The following MYLK3 variants were observed in gnomAD, a reference collection of about 807,000 sequenced individuals.
MYLK3 encodes MLC kinase.
In MYLK3, 55 loss-of-function variants were observed where a neutral mutation model predicts 76.3. That is an observed-to-expected ratio of 0.72 (90% CI 0.58 to 0.90). MYLK3 has a LOEUF of 0.90. Ranked by LOEUF, MYLK3 falls within the 40% of genes least tolerant of loss-of-function variation. The pLI is 0.00. For missense variants in MYLK3, 973 were observed against 1,053.6 expected (o/e 0.92, Z 1.06); for synonymous variants, 416 against 425.4 (o/e 0.98, Z 0.27).
upstream of MYLK3, among the ~76,000 whole-genome samples, chr16:46,752,449 C>T (rs1013951558): frequency 6.6e-6 from 1 of 152,104 alleles, no homozygotes; most frequent in African/African-American, 2.4e-5. Flanking sequence ...GCCTAGTACC[C>T]ACTAGTTAAT....
intron 9 of MYLK3, among the ~76,000 whole-genome samples, chr16:46,717,477 G>T (rs1368026619): frequency 1.2e-4 from 19 of 152,128 alleles, no homozygotes; most frequent in African/African-American, 4.6e-4. Context: ...GTTCAGACGT[G>T]TGAGCCTCGC....
At chr16:46,716,914 C>T (rs922911391) in intron 9 of MYLK3, among the ~76,000 whole-genome samples, 8 of 152,170 alleles carry the variant, frequency 5.3e-5, no homozygotes, top group Admixed American at 4.6e-4. Context: ...AGAGAGGGGG[C>T]ACCCAGGGAA....
At chr16:46,743,529 C>A (rs1034507578) in intron 1 of MYLK3, among the ~76,000 whole-genome samples, 1 of 152,164 alleles carries the variant, frequency 6.6e-6, no homozygotes, top group Non-Finnish European at 1.5e-5. Flanking sequence ...CAGCCGACAG[C>A]CTGATGGGGA....
intron 12 of MYLK3, 25 bp downstream of exon 12, chr16:46,709,514 C>G: frequency 2.5e-6 from 4 of 1,606,702 alleles, no homozygotes; most frequent in Non-Finnish European, 3.4e-6. Context: ...CAAATTCCAC[C>G]TTTACTAAGA....
intron 3 of MYLK3, among the ~76,000 whole-genome samples, chr16:46,736,598 C>T (rs915964241): frequency 2.6e-5 from 4 of 152,188 alleles, no homozygotes; most frequent in African/African-American, 7.2e-5. Flanking sequence ...CCCGGGATGC[C>T]TGCCAGGAAC....
chr16:46,719,934 T>C (rs979826452), intron 9 of MYLK3, among the ~76,000 whole-genome samples: 1 of 152,160 alleles, frequency 6.6e-6, no homozygotes, highest in Non-Finnish European at 1.5e-5. Flanking sequence ...TCCCAGTACT[T>C]TGGGAGTCTG....
intron 2 of MYLK3, 119 bp from the exon 3 acceptor site, chr16:46,738,262 G>T (rs1966882506): frequency 2.2e-6 from 2 of 901,934 alleles, no homozygotes; most frequent in East Asian, 5.4e-5. Context: ...CCAAAGACTG[G>T]AAGCAACCCA....
At chr16:46,740,631 A>C (rs1966916913) in intron 1 of MYLK3, among the ~76,000 whole-genome samples, 1 of 148,442 alleles carries the variant, frequency 6.7e-6, no homozygotes, top group Non-Finnish European at 1.5e-5. Context: ...GGCTCACTGC[A>C]ACCGCTGCCT....
chr16:46,702,776 T>C lies in MYLK3; in HGVS notation c.*4928A>G, dbSNP rs1362104909. 1.3e-5 allele frequency among the ~76,000 whole-genome samples: 2 copies of C among 151,964 alleles called. No homozygotes were observed. Among genetic ancestry groups the C allele is most frequent in the African/African-American group, 2.4e-5 (1 of 41,356 alleles). On this transcript the variant is annotated 3_prime_UTR_variant, in exon 13 of 13. Transcript: ENST00000394809. ...CTCTACTAAAAACACAAAAATTAGC[T>C]GGGCGTGGTGGCGCATGCCTGTAGT...
At position 46,732,402 on chromosome 16, in the gene MYLK3, T is replaced by G. The variant is rs1236605949; in HGVS notation, c.1268A>C (p.Glu423Ala). ...KAEEEQRAGA[E>A]PGTRPSLARS... ...GGCCAAGCTTGGTCTCGTGCCAGGC[T>G]CGGCCCCAGCCCTTTGCTCCTCCTC... Residue 423 changes from glutamate to alanine, a missense_variant, in exon 4 of 13, where the codon GAG becomes GCG. Glu to Ala is a moderately radical substitution (Grantham distance 107). Coordinates refer to ENST00000394809, the MANE Select transcript of MYLK3 (RefSeq NM_182493.3). 1.2e-6 allele frequency: 2 copies of G among 1,613,640 alleles called. No homozygotes were observed. Among genetic ancestry groups the G allele is most frequent in the Non-Finnish European group, 1.7e-6 (2 of 1,180,008 alleles).
At chr16:46,730,308 C>A (rs532830185) in intron 5 of MYLK3, among the ~76,000 whole-genome samples, 34 of 152,330 alleles carry the variant, frequency 2.2e-4, no homozygotes, top group East Asian at 5.8e-4. Context: ...GGCTTTCCGG[C>A]CACCTCCAGG....
chr16:46,758,312 T>TAAA (rs1967230729), intron 1 of MYLK3, among the ~76,000 whole-genome samples: 1 of 52,412 alleles, frequency 1.9e-5, no homozygotes, highest in Non-Finnish European at 3.6e-5. Context: ...ACACTCTCTC[T>TAAA]CTCTCTCTCT....
chr16:46,714,917 G>A (rs996762051), intron 9 of MYLK3, among the ~76,000 whole-genome samples: 10 of 152,186 alleles, frequency 6.6e-5, no homozygotes, highest in African/African-American at 9.7e-5. Flanking sequence ...ATTTGTTTTT[G>A]TTGTTGTTTT....
chr16:46,734,810 G>A lies in MYLK3; in HGVS notation c.1002-2142C>T, dbSNP rs528956180. ...TCCTGGAGATCTGTCTCACAACAAC[G>A]TGAATATACTTAACACTACTGAGTG... On this transcript the variant is annotated intron_variant, in intron 3 of 12. Coordinates refer to ENST00000394809, the MANE Select transcript of MYLK3 (RefSeq NM_182493.3). Among the ~76,000 whole-genome samples, 43 of 152,218 alleles carry A rather than the reference G, an allele frequency of 2.8e-4. No individual in the cohort carries two copies. In the South Asian group the frequency reaches 7.5e-3, roughly 26 times the overall value.
intron 9 of MYLK3, among the ~76,000 whole-genome samples, chr16:46,720,023 C>T (rs1487936413): frequency 6.6e-6 from 1 of 151,930 alleles, no homozygotes; most frequent in African/African-American, 2.4e-5. Context: ...ACTAAAAATA[C>T]AAAAATTAGC....
At chr16:46,752,852 C>A (rs905078143), upstream of MYLK3, among the ~76,000 whole-genome samples, 3 of 152,066 alleles carry the variant, frequency 2.0e-5, no homozygotes, top group African/African-American at 7.2e-5. Flanking sequence ...TGTACTCCAA[C>A]CTGGACAACA....
chr16:46,721,496 A>T (rs1252136280), intron 8 of MYLK3, among the ~76,000 whole-genome samples: 1 of 152,136 alleles, frequency 6.6e-6, no homozygotes, highest in Non-Finnish European at 1.5e-5. Flanking sequence ...CCTCAAGAGA[A>T]GCCGGGAATT....
intron 8 of MYLK3, chr16:46,726,574 A>AAGAGAGG (rs1246239386): frequency 2.0e-5 from 3 of 151,286 alleles, no homozygotes; most frequent in Non-Finnish European, 4.4e-5. Flanking sequence ...CCAAAAAAGA[A>AAGAGAGG]AGAGAGGAGA....
At chr16:46,761,494 T>C (rs1967275374) in intron 1 of MYLK3, among the ~76,000 whole-genome samples, 2 of 151,786 alleles carry the variant, frequency 1.3e-5, no homozygotes, top group Admixed American at 1.3e-4. Context: ...TCTTGGGTGG[T>C]GTCACAAGAG....
Sources: gnomAD v4.1 joint callset for allele counts (sites outside exome capture counted in the v4.1 genomes callset) on GRCh38, gnomAD v4.1.1 for gene constraint, MANE v1.5 for transcripts, NCBI Gene and HGNC (gene_info 2026-07-23, HGNC 2026-07-21) for gene names.